PDX1: variants seen among roughly 807,000 people sequenced by gnomAD.
PDX1 encodes pancreatic and duodenal homeobox 1, also known as pancreas/duodenum homeobox protein 1.
PDX1 carries 7 observed loss-of-function variants against 11.1 expected under a neutral mutation model. The observed-to-expected ratio is 0.63, with a 90% CI of 0.36 to 1.19. The LOEUF is 1.19. Ranked by LOEUF, PDX1 falls within the 50% of genes most tolerant of loss-of-function variation. PDX1 has a pLI of 0.02. For missense variants in PDX1, 449 were observed against 412.1 expected, an observed-to-expected ratio of 1.09 and a Z score of -0.78; for synonymous variants, 232 against 196.2, an observed-to-expected ratio of 1.18 and a Z score of -1.53.
At chr13:27,921,025 G>A (rs1054888059) in intron 1 of PDX1, among the ~76,000 whole-genome samples, 1 of 152,210 alleles carries the variant, frequency 6.6e-6, no homozygotes, top group African/African-American at 2.4e-5. Flanking sequence ...GGAAGGGCAG[G>A]CATCTAGGGG....
chr13:27,924,269 T>C lies in PDX1; in HGVS notation c.420T>C (p.Ala140=), dbSNP rs775275110. The C allele has an allele frequency of 1.2e-6, 2 of 1,604,208 alleles. No homozygotes were observed. The highest frequency in any genetic ancestry group is 4.5e-5 in the East Asian group (2 of 44,650). ...TGTCGCCCGCAGGCGGCGCCTACGCTGCGGAGCCGGAGGAGAACAAGCGGA... is the reference window on the plus strand; with the variant it reads ...TGTCGCCCGCAGGCGGCGCCTACGCCGCGGAGCCGGAGGAGAACAAGCGGA... ...WKGQWAGGAY[A]AEPEENKRTR... is the part of the protein sequence containing the mutation. Residue 140 remains alanine (A), a synonymous_variant, in exon 2 of 2, where the codon GCT becomes GCC. Transcript: ENST00000381033. This position sits in a 1 kb window ranked among gnomAD's most constrained non-coding sequence, Gnocchi z 4.8.
intron 1 of PDX1, among the ~76,000 whole-genome samples, chr13:27,923,170 G>T (rs767801029): frequency 6.6e-6 from 1 of 152,278 alleles, no homozygotes; most frequent in Non-Finnish European, 1.5e-5. Context: ...CAGCCTGGGT[G>T]CAGTCAGTAT....
chr13:27,920,650 C>G, intron 1 of PDX1, 106 bp downstream of exon 1: 1 of 1,224,810 alleles, frequency 8.2e-7, no homozygotes, highest in Non-Finnish European at 1.2e-6. Context: ...CTTGGATTAT[C>G]CCGGGTCGGA....
At chr13:27,921,945 C>G (rs1276234221) in intron 1 of PDX1, among the ~76,000 whole-genome samples, 1 of 152,198 alleles carries the variant, frequency 6.6e-6, no homozygotes, top group South Asian at 2.1e-4. Flanking sequence ...TCTTAGGAGG[C>G]GGGAGGACAG....
In PDX1 at chr13:27,925,013, A is replaced by G; in HGVS notation, c.*312A>G. On this transcript the variant is annotated 3_prime_UTR_variant, in exon 2 of 2. Transcript: ENST00000381033. The stretch of plus-strand genomic sequence containing the variant: ...GCGCACATCCCTGCCCTCCTACAGC[A>G]CTCCACCTTGGGACCTGTTTAGAGA... 1 of 333,890 alleles carries G rather than the reference A, an allele frequency of 3.0e-6. No homozygotes were observed. Among genetic ancestry groups the G allele is most frequent in the Non-Finnish European group, 5.3e-6 (1 of 187,200 alleles). The allele number at this position is 333,890 out of a possible 1,614,324, so 20.7% of individuals were successfully genotyped here.
At chr13:27,923,629 G>A (rs1043863376) in intron 1 of PDX1, among the ~76,000 whole-genome samples, 7 of 152,196 alleles carry the variant, frequency 4.6e-5, no homozygotes, top group African/African-American at 1.7e-4. Context: ...CAAACTGCAG[G>A]TTGCACCCAT....
intron 1 of PDX1, among the ~76,000 whole-genome samples, chr13:27,923,434 G>C (rs1396174217): frequency 6.6e-6 from 1 of 152,218 alleles, no homozygotes; most frequent in Non-Finnish European, 1.5e-5. Flanking sequence ...GTTCTGCCCT[G>C]GCCAACGTGA....
At chr13:27,921,521 T>A (rs556027800) in intron 1 of PDX1, among the ~76,000 whole-genome samples, 2 of 152,220 alleles carry the variant, frequency 1.3e-5, no homozygotes, top group African/African-American at 4.8e-5. Flanking sequence ...CCACTTCTGG[T>A]CACACCTGCA....
chr13:27,924,152 T>C lies in PDX1; in HGVS notation c.407-104T>C. The C allele has an allele frequency of 1.0e-6, 1 of 990,724 alleles. No individual in the cohort carries two copies. Among genetic ancestry groups the C allele is most frequent in the Non-Finnish European group, 1.4e-6 (1 of 703,494 alleles). 61.4% of individuals were successfully genotyped at this position (990,724 alleles called of 1,614,324 possible). ...GCTTGGTGGCTCCGGCGGGAGCAGC[T>C]GGTAGGGCTAGGGCTCCCTGGCCCC... On this transcript the variant is annotated intron_variant, in intron 1 of 1. Transcript: ENST00000381033. This position sits in a 1 kb window ranked among gnomAD's most constrained non-coding sequence, Gnocchi z 4.8.
chr13:27,921,787 G>A (rs1195403175), intron 1 of PDX1, among the ~76,000 whole-genome samples: 1 of 152,206 alleles, frequency 6.6e-6, no homozygotes, highest in Non-Finnish European at 1.5e-5. Flanking sequence ...TCCTGAGGCA[G>A]GACGAGGGCT....
chr13:27,920,091 C>A lies in PDX1; in HGVS notation c.-48C>A. On this transcript the variant is annotated 5_prime_UTR_variant, in exon 1 of 2. Coordinates refer to ENST00000381033, the MANE Select transcript of PDX1 (RefSeq NM_000209.4). ...AAATCCCCGGCTCCAGCTCCCGACT[C>A]CCGGCTCCCGGCTCCCGGCTCCCGG... 1 of 1,544,484 alleles carries A rather than the reference C, an allele frequency of 6.5e-7. No homozygotes were observed. The highest frequency in any genetic ancestry group is 1.2e-5 in the South Asian group (1 of 83,836).
intron 1 of PDX1, among the ~76,000 whole-genome samples, chr13:27,922,427 G>GGA (rs931012454): frequency 3.0e-4 from 45 of 152,336 alleles, no homozygotes; most frequent in African/African-American, 1.0e-3. Context: ...AAACTTCGAT[G>GGA]GAGCCGAAAT....
intron 1 of PDX1, among the ~76,000 whole-genome samples, chr13:27,922,630 A>G (rs952398806): frequency 6.6e-6 from 1 of 152,060 alleles, no homozygotes; most frequent in Admixed American, 6.5e-5. Flanking sequence ...AGGCTTGGCG[A>G]CCTTGACCTT....
chr13:27,924,621 G>C lies in PDX1; in HGVS notation c.772G>C (p.Glu258Gln). Residue 258 changes from glutamate (E) to glutamine (Q), a missense_variant, in exon 2 of 2, where the codon GAG becomes CAG. Glu to Gln is a conservative substitution (Grantham distance 29). Around this residue, in one of 3 missense-constraint regions of PDX1, gnomAD observed 139 missense variants for 121.4 expected, o/e 1.14. Transcript: ENST00000381033. This position sits in a 1 kb window ranked among gnomAD's most constrained non-coding sequence, Gnocchi z 4.8. ...VPPAAPVAAR[E>Q]GRLPPGLSAS... ...GCCCGCTGCCCCCGTTGCCGCCCGA[G>C]AGGGCCGCCTGCCGCCTGGCCTTAG... The C allele has an allele frequency of 1.4e-6, 2 of 1,472,434 alleles. No homozygotes were observed. The highest frequency in any genetic ancestry group is 5.7e-5 in the East Asian group (2 of 34,916). 91.2% of individuals were successfully genotyped at this position (1,472,434 alleles called of 1,614,324 possible).
chr13:27,923,064 G>T (rs1236775258), intron 1 of PDX1, among the ~76,000 whole-genome samples: 1 of 152,174 alleles, frequency 6.6e-6, no homozygotes, highest in Admixed American at 6.5e-5. Flanking sequence ...AATTCCTTAA[G>T]GCTTAGCCAA....
intron 1 of PDX1, among the ~76,000 whole-genome samples, chr13:27,921,376 CAGA>C (rs1441922302): frequency 6.6e-6 from 1 of 152,236 alleles, no homozygotes; most frequent in African/African-American, 2.4e-5. Context: ...CGGCAGAGAA[CAGA>C]AGGTCTTTCC....
chr13:27,921,303 G>A (rs971029446), intron 1 of PDX1, among the ~76,000 whole-genome samples: 1 of 152,236 alleles, frequency 6.6e-6, no homozygotes, highest in Non-Finnish European at 1.5e-5. Flanking sequence ...TTTTTCAGGA[G>A]ATGGGCGCTC....
chr13:27,924,371 G>A lies in PDX1; in HGVS notation c.522G>A (p.Pro174=), dbSNP rs752784234. Residue 174 remains proline, a synonymous_variant, in exon 2 of 2, where the codon CCG becomes CCA. Coordinates refer to ENST00000381033, the MANE Select transcript of PDX1 (RefSeq NM_000209.4). The surrounding 1 kb of genome is among the most constrained non-coding windows in gnomAD (Gnocchi z 4.8). ...TATTCAACAAGTACATCTCACGGCC[G>A]CGCCGGGTGGAGCTGGCTGTCATGT... is the stretch of plus-strand genomic sequence containing the variant. ...EFLFNKYISR[P]RRVELAVMLN... is the part of the protein sequence containing the mutation. 6 of 1,612,748 alleles carry A rather than the reference G, an allele frequency of 3.7e-6. No individual in the cohort carries two copies. In the Admixed American group the frequency reaches 6.7e-5, roughly 18 times the overall value.
intron 1 of PDX1, among the ~76,000 whole-genome samples, chr13:27,922,488 G>T (rs914244749): frequency 2.2e-4 from 34 of 152,230 alleles, no homozygotes; most frequent in African/African-American, 7.7e-4. Context: ...TGACAAAAGG[G>T]CTCTCACTGG....
Sources: gnomAD v4.1 joint callset for allele counts (sites outside exome capture counted in the v4.1 genomes callset) on GRCh38, gnomAD v4.1.1 for gene constraint, gnomAD v4.1.1 regional missense constraint, Gnocchi (gnomAD v3.1) non-coding constraint, MANE v1.5 for transcripts, NCBI Gene and HGNC (gene_info 2026-07-23, HGNC 2026-07-21) for gene names.